The following VWA5B2 variants were observed in gnomAD, a reference collection of about 807,000 sequenced individuals.
The protein encoded by VWA5B2 is von Willebrand factor A domain-containing protein 5B2.
Under a neutral mutation model 118.5 loss-of-function variants are expected in VWA5B2, and 93 were observed. The ratio of observed to expected loss-of-function variants is 0.79; its 90% CI spans 0.66 to 0.93. The LOEUF is 0.93. Ranked by LOEUF, VWA5B2 falls within the 40% of genes least tolerant of loss-of-function variation. The pLI, the probability that VWA5B2 is intolerant of heterozygous loss-of-function variation, is 0.00. For synonymous variants in VWA5B2, 708 were observed against 716.3 expected (o/e 0.99, Z 0.19); for missense variants, 1,546 against 1,672.8 (o/e 0.92, Z 1.32).
In VWA5B2 at chr3:184,234,650, G is replaced by C. The variant is rs1717769352; in HGVS notation, c.840G>C (p.Leu280=). The change falls in exon 7 of 20, where the codon CTG becomes CTC. Residue 280 remains leucine (L), a synonymous_variant. Transcript: ENST00000691901. ...TCTCAGAGCCCCATCAGCCACACCT[G>C]ATGCTGGAGGGCGGCAGCCTGAGCT... is the stretch of plus-strand genomic sequence containing the variant. ...LHPSEPHQPH[L]MLEGGSLSSA... 6.4e-7 allele frequency: 1 copy of C among 1,551,256 alleles called. No homozygotes were observed. Among genetic ancestry groups the C allele is most frequent in the African/African-American group, 1.4e-5 (1 of 73,064 alleles).
chr3:184,238,378 C>T lies in VWA5B2; in HGVS notation c.1795C>T (p.Pro599Ser). 2 of 1,550,676 alleles carry T rather than the reference C, an allele frequency of 1.3e-6. No homozygotes were observed. The highest frequency in any genetic ancestry group is 1.7e-6 in the Non-Finnish European group (2 of 1,146,826). ...SPEEAPSAASPGTEPTGTSEP... is the reference protein window; with the variant it reads ...SPEEAPSAASSGTEPTGTSEP... ...AGAAGAGGCCCCGTCTGCTGCCAGC[C>T]CTGGCACTGAGCCCACTGGCACCTC... Residue 599 changes from proline (P) to serine (S), a missense_variant, in exon 13 of 20, where the codon CCT becomes TCT. By Grantham distance (74) the Pro-to-Ser change is moderately conservative. Transcript: ENST00000691901. The surrounding 1 kb of genome is among the most constrained non-coding windows in gnomAD (Gnocchi z 5.0).
At position 184,230,506 on chromosome 3, in the gene VWA5B2, C is replaced by A; in HGVS notation, c.-23C>A. On this transcript the variant is annotated 5_prime_UTR_variant, in exon 2 of 20. Coordinates refer to ENST00000691901, the MANE Select transcript of VWA5B2 (RefSeq NM_001390846.1). The stretch of plus-strand genomic sequence containing the variant: ...GCGCCCAGCTTCCCCGGCCCGTTCC[C>A]GCAGGGCCGGCCTCCCGGCGCCATG... The A allele has an allele frequency of 4.2e-6, 6 of 1,439,882 alleles. No homozygotes were observed. Among genetic ancestry groups the A allele is most frequent in the Non-Finnish European group, 4.5e-6 (5 of 1,106,622 alleles). The allele number at this position is 1,439,882 out of a possible 1,614,324, so 89.2% of individuals were successfully genotyped here.
chr3:184,236,712 C>A lies in VWA5B2; in HGVS notation c.1496C>A (p.Ala499Asp). The A allele has an allele frequency of 6.5e-7, 1 of 1,548,860 alleles. No homozygotes were observed. The highest frequency in any genetic ancestry group is 2.4e-5 in the East Asian group (1 of 40,848). Residue 499 changes from alanine (A) to aspartate (D), a missense_variant, in exon 11 of 20, where the codon GCC (alanine) becomes GAC (aspartate). Ala to Asp is a moderately radical substitution (Grantham distance 126). Transcript: ENST00000691901. ...TTATCTGCCCTCAGCAGAGGCCAGGCCTACTTCCTGAGGCCTGGGCAGAGG... is the reference window on the plus strand; with the variant it reads ...TTATCTGCCCTCAGCAGAGGCCAGGACTACTTCCTGAGGCCTGGGCAGAGG... ...QGLSALSRGQ[A>D]YFLRPGQRLQ...
In VWA5B2 at chr3:184,242,165, C is replaced by T; in HGVS notation, c.*127C>T. The T allele has an allele frequency of 8.0e-7, 1 of 1,249,596 alleles. No individual in the cohort carries two copies. Among genetic ancestry groups the T allele is most frequent in the Non-Finnish European group, 1.1e-6 (1 of 909,356 alleles). The allele number at this position is 1,249,596 out of a possible 1,614,324, so 77.4% of individuals were successfully genotyped here. On this transcript the variant is annotated 3_prime_UTR_variant, in exon 20 of 20. Coordinates refer to ENST00000691901, the MANE Select transcript of VWA5B2 (RefSeq NM_001390846.1). ...AGCCTGTCCCCCACTGCTTCTTACTCCCTCCCTAGAGCCCTCTTGCCCCCA... is the reference window on the plus strand; with the variant it reads ...AGCCTGTCCCCCACTGCTTCTTACTTCCTCCCTAGAGCCCTCTTGCCCCCA...
rs768416324 is a variant in VWA5B2 at position 184,242,051 on chromosome 3, G to A, written c.*13G>A. On this transcript the variant is annotated 3_prime_UTR_variant, in exon 20 of 20. Coordinates refer to ENST00000691901, the MANE Select transcript of VWA5B2 (RefSeq NM_001390846.1). ...AGCGAACGTGTGAAGGCTGCCCCCT[G>A]CTGCTTGGGCTGGCGCCCCACCCAA... The A allele has an allele frequency of 6.5e-7, 1 of 1,546,684 alleles. No individual in the cohort carries two copies. The highest frequency in any genetic ancestry group is 8.7e-7 in the Non-Finnish European group (1 of 1,146,790).
rs1051721528 is a variant in VWA5B2 at position 184,240,851 on chromosome 3, C to T, written c.2801C>T (p.Ser934Phe). 51 of 1,551,608 alleles carry T rather than the reference C, an allele frequency of 3.3e-5. No homozygotes were observed. Among genetic ancestry groups the T allele is most frequent in the Non-Finnish European group, 4.2e-5 (48 of 1,146,992 alleles). ...LQTSKVSSAPSCFTCPVAVDA... is the reference protein window; with the variant it reads ...LQTSKVSSAPFCFTCPVAVDA... The stretch of plus-strand genomic sequence containing the variant: ...ACAAGTAAGGTCAGCTCTGCCCCCT[C>T]CTGCTTCACTTGCCCTGTAGCTGTG... Residue 934 changes from serine (S) to phenylalanine (F), a missense_variant, in exon 17 of 20, where the codon TCC becomes TTC. Physicochemically the swap from Ser to Phe is radical, Grantham distance 155. Transcript: ENST00000691901.
chr3:184,236,774 C>A (rs1047875608), intron 11 of VWA5B2, 25 bp downstream of exon 11: 1 of 1,473,628 alleles, frequency 6.8e-7, no homozygotes, highest in South Asian at 1.3e-5. Flanking sequence ...GGGCCCTGTT[C>A]CCTACACCTG....
Position 184,230,599 on chromosome 3 carries a change from C to G in VWA5B2, c.71C>G (p.Ala24Gly). The G allele has an allele frequency of 1.4e-6, 2 of 1,458,932 alleles. No homozygotes were observed. The highest frequency in any genetic ancestry group is 6.1e-5 in the East Asian group (2 of 32,922). 90.4% of individuals were successfully genotyped at this position (1,458,932 alleles called of 1,614,324 possible). The change falls in exon 2 of 20, where the codon GCC becomes GGC. Residue 24 changes from alanine (A) to glycine (G), a missense_variant. Physicochemically the swap from Ala to Gly is moderately conservative, Grantham distance 60. Coordinates refer to ENST00000691901, the MANE Select transcript of VWA5B2 (RefSeq NM_001390846.1). ...PLTDSWVRAC[A>G]NGPCLSVRAR... is the part of the protein sequence containing the mutation. The stretch of plus-strand genomic sequence containing the variant: ...ACGGACTCCTGGGTCCGGGCCTGCG[C>G]CAACGGCCCCTGCCTCAGCGTGCGG...
Position 184,230,507 on chromosome 3 carries a change from G to C in VWA5B2, c.-22G>C. 5 of 1,439,600 alleles carry C rather than the reference G, an allele frequency of 3.5e-6. No homozygotes were observed. Among genetic ancestry groups the C allele is most frequent in the Non-Finnish European group, 4.5e-6 (5 of 1,106,542 alleles). 89.2% of individuals were successfully genotyped at this position (1,439,600 alleles called of 1,614,324 possible). On this transcript the variant is annotated 5_prime_UTR_variant, in exon 2 of 20. Coordinates refer to ENST00000691901, the MANE Select transcript of VWA5B2 (RefSeq NM_001390846.1). ...CGCCCAGCTTCCCCGGCCCGTTCCC[G>C]CAGGGCCGGCCTCCCGGCGCCATGC...
chr3:184,241,502 G>A lies in VWA5B2; in HGVS notation c.3193G>A (p.Glu1065Lys). The change falls in exon 20 of 20, where the codon GAG becomes AAG. Residue 1065 changes from glutamate to lysine, a missense_variant. Around this residue, in one of 3 missense-constraint regions of VWA5B2, gnomAD observed 763 missense variants for 766.6 expected, o/e 1.00. Transcript: ENST00000691901. The surrounding 1 kb of genome is among the most constrained non-coding windows in gnomAD (Gnocchi z 5.1). ...CCTCTCTCCTCAGGTGCGGCTGCAG[G>A]AGGCACCAGGCTCCTTCCGCCTGGA... ...HDYLPLVRLQEAPGSFRLDAP... is the reference protein window; with the variant it reads ...HDYLPLVRLQKAPGSFRLDAP... 2 of 1,551,982 alleles carry A rather than the reference G, an allele frequency of 1.3e-6. No homozygotes were observed. Among genetic ancestry groups the A allele is most frequent in the Non-Finnish European group, 1.7e-6 (2 of 1,147,568 alleles).
In VWA5B2 at chr3:184,240,849, C is replaced by T. The variant is rs1484488857; in HGVS notation, c.2799C>T (p.Pro933=). ...AGACAAGTAAGGTCAGCTCTGCCCC[C>T]TCCTGCTTCACTTGCCCTGTAGCTG... ...ALQTSKVSSA[P]SCFTCPVAVD... Residue 933 remains proline, a synonymous_variant, in exon 17 of 20, where the codon CCC becomes CCT. Transcript: ENST00000691901. 2 of 1,551,722 alleles carry T rather than the reference C, an allele frequency of 1.3e-6. No homozygotes were observed. Among genetic ancestry groups the T allele is most frequent in the East Asian group, 2.4e-5 (1 of 40,924 alleles).
In VWA5B2 at chr3:184,239,508, C is replaced by T. The variant is rs1718343533; in HGVS notation, c.2317C>T (p.Pro773Ser). 4 of 1,549,998 alleles carry T rather than the reference C, an allele frequency of 2.6e-6. No homozygotes were observed. In the East Asian group the frequency reaches 9.8e-5, roughly 38 times the overall value. Residue 773 changes from proline (P) to serine (S), a missense_variant, in exon 15 of 20, where the codon CCC becomes TCC. Pro to Ser is a moderately conservative substitution (Grantham distance 74, BLOSUM62 -1). Transcript: ENST00000691901. The surrounding 1 kb of genome is among the most constrained non-coding windows in gnomAD (Gnocchi z 5.1). ...ANQVPGRPRK[P>S]SLGAILDGPS... ...CCAAGTCCCCGGCCGACCCCGGAAACCCTCTTTGGGTGCAATACTAGATGG... is the reference window on the plus strand; with the variant it reads ...CCAAGTCCCCGGCCGACCCCGGAAATCCTCTTTGGGTGCAATACTAGATGG...
In VWA5B2 at chr3:184,234,633, C is replaced by T. The variant is rs1717766024; in HGVS notation, c.823C>T (p.Pro275Ser). ...AGAATTGTGTCCTCTCCTCTCAGAG[C>T]CCCATCAGCCACACCTGATGCTGGA... Reference protein sequence around the residue: ...ALEILLHPSEPHQPHLMLEGG... With the variant: ...ALEILLHPSESHQPHLMLEGG... Residue 275 changes from proline (P) to serine (S), a missense_variant and splice_region_variant, in exon 7 of 20, where the codon CCC (proline) becomes TCC (serine). Around this residue, in one of 3 missense-constraint regions of VWA5B2, gnomAD observed 775 missense variants for 882.3 expected, o/e 0.88. Coordinates refer to ENST00000691901, the MANE Select transcript of VWA5B2 (RefSeq NM_001390846.1). The T allele has an allele frequency of 2.6e-6, 4 of 1,551,166 alleles. No homozygotes were observed. The highest frequency in any genetic ancestry group is 3.5e-6 in the Non-Finnish European group (4 of 1,146,896).
In VWA5B2 at chr3:184,234,614, G is replaced by A; in HGVS notation, c.821-17G>A. ...AGGCAGGGCCTTCCTTGACAGAATT[G>A]TGTCCTCTCCTCTCAGAGCCCCATC... On this transcript the variant is annotated splice_polypyrimidine_tract_variant and intron_variant, in intron 6 of 19. Coordinates refer to ENST00000691901, the MANE Select transcript of VWA5B2 (RefSeq NM_001390846.1). The A allele has an allele frequency of 6.4e-7, 1 of 1,550,550 alleles. No individual in the cohort carries two copies. Among genetic ancestry groups the A allele is most frequent in the South Asian group, 1.2e-5 (1 of 83,992 alleles).
rs201976449 is a variant in VWA5B2, at chr3:184,239,493, G to A, written c.2302G>A (p.Gly768Ser). 6.0e-5 allele frequency: 93 copies of A among 1,549,808 alleles called. No individual in the cohort carries two copies. Among genetic ancestry groups the A allele is most frequent in the East Asian group, 2.0e-4 (8 of 40,878 alleles). The change falls in exon 15 of 20, where the codon GGC (glycine) becomes AGC (serine). Residue 768 changes from glycine (G) to serine (S), a missense_variant. This residue lies in a region of VWA5B2 where 763 missense variants were observed against 766.6 expected (regional missense o/e 1.00). Transcript: ENST00000691901. This position sits in a 1 kb window ranked among gnomAD's most constrained non-coding sequence, Gnocchi z 5.1. ...TCCAGGCCGGGCAAACCAAGTCCCCGGCCGACCCCGGAAACCCTCTTTGGG... is the reference window on the plus strand; with the variant it reads ...TCCAGGCCGGGCAAACCAAGTCCCCAGCCGACCCCGGAAACCCTCTTTGGG... ...SPPGRANQVPGRPRKPSLGAI... is the reference protein window; with the variant it reads ...SPPGRANQVPSRPRKPSLGAI...
In VWA5B2 at chr3:184,241,157, G is replaced by A. The variant is rs1161058483; in HGVS notation, c.2963-30G>A. 7 of 1,551,210 alleles carry A rather than the reference G, an allele frequency of 4.5e-6. No individual in the cohort carries two copies. In the South Asian group the frequency reaches 4.8e-5, roughly 11 times the overall value. On this transcript the variant is annotated intron_variant, in intron 18 of 19. Coordinates refer to ENST00000691901, the MANE Select transcript of VWA5B2 (RefSeq NM_001390846.1). The surrounding 1 kb of genome is among the most constrained non-coding windows in gnomAD (Gnocchi z 5.1). Reference sequence around the variant, plus strand: ...GTAGGGGCACTTGGGCTTAGAGACCGCCCCCTGGCACTGATGATCCCCACT... The same window carrying A: ...GTAGGGGCACTTGGGCTTAGAGACCACCCCCTGGCACTGATGATCCCCACT...
In VWA5B2 at chr3:184,230,744, C is replaced by G; in HGVS notation, c.140-3C>G. 1 of 1,224,956 alleles carries G rather than the reference C, an allele frequency of 8.2e-7. No individual in the cohort carries two copies. The highest frequency in any genetic ancestry group is 1.0e-6 in the Non-Finnish European group (1 of 984,734). The allele number at this position is 1,224,956 out of a possible 1,614,324, so 75.9% of individuals were successfully genotyped here. On this transcript the variant is annotated splice_polypyrimidine_tract_variant and splice_region_variant and intron_variant, in intron 2 of 19. Transcript: ENST00000691901. ...CGACGCCGCCTCCCGCCGCCCTCCCCAGGCGTGTTCGTGTACCCGCTGGCC... is the reference window on the plus strand; with the variant it reads ...CGACGCCGCCTCCCGCCGCCCTCCCGAGGCGTGTTCGTGTACCCGCTGGCC...
Position 184,238,845 on chromosome 3 carries a change from T to C in VWA5B2, c.2174T>C (p.Leu725Pro). 6.6e-7 allele frequency: 1 copy of C among 1,521,586 alleles called. No individual in the cohort carries two copies. The highest frequency in any genetic ancestry group is 8.9e-7 in the Non-Finnish European group (1 of 1,125,440). The allele number at this position is 1,521,586 out of a possible 1,614,324, so 94.3% of individuals were successfully genotyped here. ...GEPAGSRSCP[L>P]PAPTPAPFKV... ...CCTGCAGGCTCCCGCTCCTGTCCCC[T>C]GCCTGCACCCACACCAGCTCCATTC... is the stretch of plus-strand genomic sequence containing the variant. The change falls in exon 14 of 20, where the codon CTG (leucine) becomes CCG (proline). Residue 725 changes from leucine (L) to proline (P), a missense_variant. By Grantham distance (98) the Leu-to-Pro change is moderately conservative. Around this residue, in one of 3 missense-constraint regions of VWA5B2, gnomAD observed 763 missense variants for 766.6 expected, o/e 1.00. Coordinates refer to ENST00000691901, the MANE Select transcript of VWA5B2 (RefSeq NM_001390846.1). This position sits in a 1 kb window ranked among gnomAD's most constrained non-coding sequence, Gnocchi z 5.0.
intron 9 of VWA5B2, 40 bp downstream of exon 9, chr3:184,236,302 T>C: frequency 6.4e-7 from 1 of 1,551,268 alleles, no homozygotes; most frequent in Non-Finnish European, 8.7e-7. Flanking sequence ...TACAGAGAGG[T>C]TTCAGCCCAG....
Sources: allele counts gnomAD v4.1 joint callset, GRCh38; gene constraint gnomAD v4.1.1; regional missense constraint gnomAD v4.1.1; non-coding constraint Gnocchi (gnomAD v3.1); transcripts MANE v1.5; gene names NCBI Gene and HGNC (gene_info 2026-07-23, HGNC 2026-07-21).